Variants in RETREG1 observed in about 807,000 individuals in gnomAD.
RETREG1 encodes family with sequence similarity 134 member B.
In RETREG1, 44 loss-of-function variants were observed where a neutral mutation model predicts 54.8. The observed-to-expected ratio is 0.80, with a 90% CI of 0.63 to 1.03. The LOEUF is 1.03. RETREG1 is among the 50% of genes least tolerant of loss of function. RETREG1 has a pLI of 0.00. For synonymous variants in RETREG1, 217 were observed against 238.5 expected, an observed-to-expected ratio of 0.91 and a Z score of 0.83; for missense variants, 554 against 605.1, an observed-to-expected ratio of 0.92 and a Z score of 0.89.
intron 3 of RETREG1, among the ~76,000 whole-genome samples, chr5:16,529,565 A>C (rs1740846105): frequency 6.6e-6 from 1 of 152,196 alleles, no homozygotes; most frequent in Non-Finnish European, 1.5e-5. Flanking sequence ...TTAATGTGGT[A>C]ATTTAACAAA....
chr5:16,570,784 CACA>C (rs1352996800), intron 2 of RETREG1, among the ~76,000 whole-genome samples: 3 of 152,106 alleles, frequency 2.0e-5, no homozygotes, highest in Non-Finnish European at 1.5e-5. Context: ...AAACAAGTAT[CACA>C]ACAAGTGCCT....
chr5:16,534,046 AGTCG>A (rs1254124938), intron 3 of RETREG1, among the ~76,000 whole-genome samples: 1 of 152,058 alleles, frequency 6.6e-6, no homozygotes, highest in Non-Finnish European at 1.5e-5. Context: ...CAGACTTATA[AGTCG>A]GAAAATTCTC....
At chr5:16,543,792 G>C (rs1307225077) in intron 3 of RETREG1, among the ~76,000 whole-genome samples, 1 of 151,822 alleles carries the variant, frequency 6.6e-6, no homozygotes, top group South Asian at 2.1e-4. Context: ...ACTAACACTT[G>C]GTATGGTCAG....
chr5:16,543,970 GTTTTTTTT>G (rs750605921), intron 3 of RETREG1, among the ~76,000 whole-genome samples: 2 of 121,104 alleles, frequency 1.7e-5, no homozygotes, highest in African/African-American at 6.4e-5. Context: ...TTATTGCCAA[GTTTTTTTT>G]TTTTTTTTTT....
chr5:16,592,355 C>T (rs1742798707), intron 1 of RETREG1, among the ~76,000 whole-genome samples: 1 of 152,166 alleles, frequency 6.6e-6, no homozygotes, highest in Admixed American at 6.5e-5. Flanking sequence ...CATGAGATAT[C>T]ATCTTACACC....
chr5:16,493,343 T>C (rs987837369), intron 3 of RETREG1, among the ~76,000 whole-genome samples: 1 of 152,252 alleles, frequency 6.6e-6, no homozygotes, highest in African/African-American at 2.4e-5. Context: ...TTTTAATAAC[T>C]AGACTTTCAT....
chr5:16,487,824 C>T (rs572406539), intron 3 of RETREG1, among the ~76,000 whole-genome samples: 2 of 152,204 alleles, frequency 1.3e-5, no homozygotes, highest in Non-Finnish European at 2.9e-5. Flanking sequence ...TCACTTTGTC[C>T]ACAGAAAGGA....
At chr5:16,488,317 G>T (rs556952748) in intron 3 of RETREG1, among the ~76,000 whole-genome samples, 2 of 152,336 alleles carry the variant, frequency 1.3e-5, no homozygotes, top group African/African-American at 2.4e-5. Context: ...CCTAAGGGAT[G>T]AGAAACCAAT....
intron 1 of RETREG1, among the ~76,000 whole-genome samples, chr5:16,590,612 C>T (rs552289923): frequency 6.3e-4 from 96 of 152,292 alleles, no homozygotes; most frequent in Middle Eastern, 6.8e-3. Flanking sequence ...ACATGGGCCA[C>T]GGACTCGAGG....
chr5:16,578,231 A>G (rs1282101590), intron 1 of RETREG1, among the ~76,000 whole-genome samples: 1 of 152,236 alleles, frequency 6.6e-6, no homozygotes, highest in African/African-American at 2.4e-5. Flanking sequence ...TCAAAGGAAT[A>G]TAACTCAACT....
intron 1 of RETREG1, chr5:16,616,308 T>C (rs976976394): frequency 3.8e-5 from 10 of 266,510 alleles, no homozygotes; most frequent in Non-Finnish European, 5.6e-5. Flanking sequence ...CCGGCAAGCT[T>C]GGGCGAGCAG....
rs1738455329 is a variant in RETREG1 at position 16,474,835 on chromosome 5, T to C, written c.1400A>G (p.Glu467Gly). ...LLDQSELDQI[E>G]SELGLTQDQE... is the part of the protein sequence containing the mutation. ...GTCTTGTGTAAGTCCCAATTCACTC[T>C]CAATTTGATCCAGCTCTGACTGGTC... Residue 467 changes from glutamate to glycine, a missense_variant, in exon 9 of 9, where the codon GAG becomes GGG. Coordinates refer to ENST00000306320, the MANE Select transcript of RETREG1 (RefSeq NM_001034850.3). 1.2e-6 allele frequency: 2 copies of C among 1,613,910 alleles called. No individual in the cohort carries two copies. Among genetic ancestry groups the C allele is most frequent in the Non-Finnish European group, 1.7e-6 (2 of 1,179,970 alleles).
intron 3 of RETREG1, among the ~76,000 whole-genome samples, chr5:16,510,818 CAAAAA>C (rs57713373): frequency 1.3e-5 from 1 of 75,712 alleles, no homozygotes. Context: ...ACAACAACAA[CAAAAA>C]AAAAAAAAAA....
chr5:16,566,664 T>C (rs79564784), intron 2 of RETREG1, among the ~76,000 whole-genome samples: 5,194 of 152,328 alleles, frequency 0.034, 264 homozygotes, highest in African/African-American at 0.12. Flanking sequence ...TTCATTTTTT[T>C]CAAATAATTA....
intron 3 of RETREG1, among the ~76,000 whole-genome samples, chr5:16,553,157 TCAGAAA>T (rs2126617710): frequency 6.6e-6 from 1 of 151,754 alleles, no homozygotes; most frequent in Admixed American, 6.5e-5. Flanking sequence ...TATCGTAAAC[TCAGAAA>T]CAGAAACAGT....
intron 3 of RETREG1, among the ~76,000 whole-genome samples, chr5:16,491,228 T>C (rs1002066935): frequency 6.6e-6 from 1 of 152,190 alleles, no homozygotes; most frequent in African/African-American, 2.4e-5. Context: ...AAGAGAAAAC[T>C]GAGGCTGAAA....
intron 3 of RETREG1, among the ~76,000 whole-genome samples, chr5:16,494,453 T>C (rs1739371323): frequency 6.6e-6 from 1 of 152,088 alleles, no homozygotes; most frequent in African/African-American, 2.4e-5. Flanking sequence ...CTCTCATGAA[T>C]GGTTTAGCAC....
intron 8 of RETREG1, among the ~76,000 whole-genome samples, chr5:16,476,802 G>A (rs1170763632): frequency 3.3e-5 from 5 of 152,068 alleles, no homozygotes; most frequent in Non-Finnish European, 7.4e-5. Context: ...ATAGCTAATC[G>A]ATGCTGGGCT....
Position 16,597,311 on chromosome 5 carries a change from C to T in RETREG1, c.320+19341G>A, listed in dbSNP as rs1354215132. ...TGGAGTAAGAGACACTACAGGTGAA[C>T]GGCCTAAAATATCTGACACGGGATA... On this transcript the variant is annotated intron_variant, in intron 1 of 8. Transcript: ENST00000306320. This position sits in a 1 kb window ranked among gnomAD's most constrained non-coding sequence, Gnocchi z 4.3. Among the ~76,000 whole-genome samples the T allele has an allele frequency of 4.6e-5, 7 of 152,198 alleles. No homozygotes were observed. Among genetic ancestry groups the T allele is most frequent in the East Asian group, 3.8e-4 (2 of 5,196 alleles).
Sources: allele counts gnomAD v4.1 joint callset (sites outside exome capture counted in the v4.1 genomes callset), GRCh38; gene constraint gnomAD v4.1.1; non-coding constraint Gnocchi (gnomAD v3.1); transcripts MANE v1.5; gene names NCBI Gene and HGNC (gene_info 2026-07-23, HGNC 2026-07-21).